Variants in TNFRSF13B observed in about 807,000 individuals in gnomAD.
TNFRSF13B encodes the protein TNF receptor superfamily member 13B, also known as tumor necrosis factor receptor superfamily member 13B.
TNFRSF13B carries 34 observed loss-of-function variants against 24.0 expected under a neutral mutation model. That is an observed-to-expected ratio of 1.41 (90% confidence interval 1.08 to 1.88). The LOEUF is 1.88. TNFRSF13B is among the 40% of genes most tolerant of loss of function. The pLI is 0.00. For missense variants in TNFRSF13B, 415 were observed against 380.8 expected (o/e 1.09, Z -0.75); for synonymous variants, 173 against 150.3 (o/e 1.15, Z -1.10).
chr17:16,960,627 G>A (rs913794016), intron 1 of TNFRSF13B, among the ~76,000 whole-genome samples: 1 of 152,106 alleles, frequency 6.6e-6, no homozygotes, highest in Non-Finnish European at 1.5e-5. Flanking sequence ...AATGGACTAA[G>A]TGCTAAAACT....
intron 1 of TNFRSF13B, among the ~76,000 whole-genome samples, chr17:16,962,498 C>T (rs933761492): frequency 6.6e-6 from 1 of 150,542 alleles, no homozygotes; most frequent in Non-Finnish European, 1.5e-5. Context: ...CAGAGTGAGA[C>T]TCGGTCTCCC....
At chr17:16,971,705 A>G (rs567694556) in intron 1 of TNFRSF13B, among the ~76,000 whole-genome samples, 4 of 152,266 alleles carry the variant, frequency 2.6e-5, no homozygotes, top group Admixed American at 2.6e-4. Context: ...TTAGCATTAA[A>G]ATGGTCCAGC....
At chr17:16,950,313 T>G (rs1337908105) in intron 2 of TNFRSF13B, among the ~76,000 whole-genome samples, 1 of 152,196 alleles carries the variant, frequency 6.6e-6, no homozygotes, top group Non-Finnish European at 1.5e-5. Context: ...AAAATAACAG[T>G]ACTGACTTCT....
intron 1 of TNFRSF13B, among the ~76,000 whole-genome samples, chr17:16,965,953 A>G (rs1231107121): frequency 6.6e-6 from 1 of 152,148 alleles, no homozygotes. Context: ...AACAACAGGC[A>G]AACAAAAAAA....
chr17:16,944,285 C>G (rs1179204876), intron 3 of TNFRSF13B, among the ~76,000 whole-genome samples: 1 of 152,202 alleles, frequency 6.6e-6, no homozygotes, highest in Non-Finnish European at 1.5e-5. Flanking sequence ...GTCTGGAACC[C>G]TGTCTCCACC....
intron 1 of TNFRSF13B, among the ~76,000 whole-genome samples, chr17:16,958,398 C>G (rs1250401068): frequency 1.3e-5 from 2 of 149,772 alleles, no homozygotes; most frequent in African/African-American, 2.5e-5. Context: ...TGTAAATGAA[C>G]TAAACTCTGC....
chr17:16,960,030 C>T (rs1046345765), intron 1 of TNFRSF13B, among the ~76,000 whole-genome samples: 7 of 152,132 alleles, frequency 4.6e-5, no homozygotes, highest in East Asian at 3.9e-4. Context: ...AAATTACACA[C>T]GAATATGTCT....
At chr17:16,963,526 A>G (rs1470950542) in intron 1 of TNFRSF13B, among the ~76,000 whole-genome samples, 5 of 143,634 alleles carry the variant, frequency 3.5e-5, no homozygotes, top group African/African-American at 1.0e-4. Flanking sequence ...ATTTCTTATC[A>G]AGTTTTGTTT....
intron 1 of TNFRSF13B, among the ~76,000 whole-genome samples, chr17:16,970,018 G>C (rs1469399805): frequency 6.6e-6 from 1 of 152,120 alleles, no homozygotes; most frequent in African/African-American, 2.4e-5. Context: ...TTCATTGCCT[G>C]GACCAAAGCC....
At chr17:16,970,356 A>G (rs2087735180) in intron 1 of TNFRSF13B, among the ~76,000 whole-genome samples, 1 of 152,016 alleles carries the variant, frequency 6.6e-6, no homozygotes, top group Non-Finnish European at 1.5e-5. Context: ...GCACCCCGAG[A>G]CCAGAGAGCA....
intron 1 of TNFRSF13B, among the ~76,000 whole-genome samples, chr17:16,960,121 G>A (rs1355871568): frequency 6.6e-6 from 1 of 152,130 alleles, no homozygotes; most frequent in Non-Finnish European, 1.5e-5. Context: ...GAGTGCAATG[G>A]TAGTTCCACA....
chr17:16,952,688 ACCTTTCTGT>A, intron 1 of TNFRSF13B, 105 bp from the exon 2 acceptor site: 1 of 1,538,640 alleles, frequency 6.5e-7, no homozygotes, highest in Middle Eastern at 1.7e-4. Flanking sequence ...CGCACAGACA[ACCTTTCTGT>A]CTGAGGAGCA....
chr17:16,939,752 G>C lies in TNFRSF13B; in HGVS notation c.677C>G (p.Pro226Arg). The change falls in exon 5 of 5, where the codon CCA (proline) becomes CGA (arginine). Residue 226 changes from proline (P) to arginine (R), a missense_variant. By Grantham distance (103) the Pro-to-Arg change is moderately radical. Coordinates refer to ENST00000261652, the MANE Select transcript of TNFRSF13B (RefSeq NM_012452.3). ...AGSPVSTSPE[P>R]VETCSFCFPE... ...GAAGCAGAAGCTGCAGGTCTCCACT[G>C]GCTCGGGGGATGTGCTCACAGGGCT... is the stretch of plus-strand genomic sequence containing the variant. 2 of 1,610,562 alleles carry C rather than the reference G, an allele frequency of 1.2e-6. No individual in the cohort carries two copies. The highest frequency in any genetic ancestry group is 1.3e-5 in the African/African-American group (1 of 75,016).
chr17:16,940,824 C>CG, intron 3 of TNFRSF13B: 2 of 1,285,290 alleles, frequency 1.6e-6, no homozygotes, highest in Non-Finnish European at 2.0e-6. Flanking sequence ...AATCGACAGA[C>CG]GAACAGACGA....
intron 1 of TNFRSF13B, among the ~76,000 whole-genome samples, chr17:16,959,485 G>A (rs2087646993): frequency 1.3e-5 from 2 of 151,678 alleles, no homozygotes; most frequent in South Asian, 4.2e-4. Flanking sequence ...GAATACTAGA[G>A]CAGAGATCAA....
At chr17:16,960,470 G>A (rs978119894) in intron 1 of TNFRSF13B, among the ~76,000 whole-genome samples, 6 of 152,258 alleles carry the variant, frequency 3.9e-5, no homozygotes, top group African/African-American at 1.4e-4. Context: ...CAGATAACCC[G>A]ATCTTATATG....
chr17:16,962,242 C>G (rs189899501), intron 1 of TNFRSF13B, among the ~76,000 whole-genome samples: 2 of 152,210 alleles, frequency 1.3e-5, no homozygotes, highest in African/African-American at 2.4e-5. Flanking sequence ...TGTGGTGGCT[C>G]ATGCCTGTTC....
intron 1 of TNFRSF13B, 145 bp from the exon 2 acceptor site, chr17:16,952,728 C>G: frequency 7.8e-7 from 1 of 1,279,590 alleles, no homozygotes; most frequent in Non-Finnish European, 1.1e-6. Flanking sequence ...ACAAAGTTGG[C>G]TTCTAGCCCC....
intron 1 of TNFRSF13B, among the ~76,000 whole-genome samples, chr17:16,969,877 A>G (rs564173895): frequency 5.9e-5 from 9 of 152,294 alleles, no homozygotes; most frequent in African/African-American, 1.9e-4. Flanking sequence ...GATTCTCCCC[A>G]CTTTTGGGTT....
Sources: gnomAD v4.1 joint callset for allele counts (sites outside exome capture counted in the v4.1 genomes callset) on GRCh38, gnomAD v4.1.1 for gene constraint, MANE v1.5 for transcripts, NCBI Gene and HGNC (gene_info 2026-07-23, HGNC 2026-07-21) for gene names.